The following ZYG11A variants were observed in gnomAD, a reference collection of about 807,000 sequenced individuals.
The protein encoded by ZYG11A is protein zyg-11 homolog A.
Under a neutral mutation model 77.2 loss-of-function variants are expected in ZYG11A, and 62 were observed. That is an observed-to-expected ratio of 0.80 (90% CI 0.65 to 0.99). ZYG11A has a LOEUF of 0.99. Ranked by LOEUF, ZYG11A falls within the 50% of genes least tolerant of loss-of-function variation. The pLI, the probability that ZYG11A is intolerant of heterozygous loss-of-function variation, is 0.00. For synonymous variants in ZYG11A, 315 were observed against 324.6 expected (o/e 0.97, Z 0.32); for missense variants, 828 against 896.8 (o/e 0.92, Z 0.98).
intron 8 of ZYG11A, among the ~76,000 whole-genome samples, chr1:52,869,738 C>T (rs1236751363): frequency 2.0e-5 from 3 of 151,966 alleles, no homozygotes; most frequent in East Asian, 3.9e-4. Context: ...TCATCATGGC[C>T]CGTTCTCAAT....
intron 11 of ZYG11A, among the ~76,000 whole-genome samples, chr1:52,885,108 C>T (rs1189315702): frequency 1.3e-5 from 2 of 152,048 alleles, no homozygotes. Context: ...ACGGGTTTCA[C>T]CGTGTTGGCC....
intron 13 of ZYG11A, among the ~76,000 whole-genome samples, chr1:52,889,862 C>T (rs1213789398): frequency 2.0e-5 from 3 of 151,966 alleles, no homozygotes; most frequent in Non-Finnish European, 4.4e-5. Context: ...CAGGCGCCCG[C>T]CACCATGCCC....
intron 3 of ZYG11A, 65 bp downstream of exon 3, chr1:52,857,814 A>G (rs1279352127): frequency 2.1e-6 from 3 of 1,427,986 alleles, no homozygotes; most frequent in Non-Finnish European, 2.8e-6. Flanking sequence ...CGTGCTATAG[A>G]CCAGACTTTT....
intron 4 of ZYG11A, among the ~76,000 whole-genome samples, chr1:52,861,433 A>G (rs1645924433): frequency 6.6e-6 from 1 of 152,198 alleles, no homozygotes. Context: ...GCAATTCCTT[A>G]AAAATGTGGA....
intron 10 of ZYG11A, among the ~76,000 whole-genome samples, chr1:52,879,410 T>C (rs1174639186): frequency 6.6e-6 from 1 of 152,206 alleles, no homozygotes; most frequent in African/African-American, 2.4e-5. Flanking sequence ...GGAGGGACTG[T>C]GCCTTATCTT....
At position 52,858,311 on chromosome 1, in the gene ZYG11A, A is replaced by G. The variant is rs555701791; in HGVS notation, c.1008+562A>G. Among the ~76,000 whole-genome samples the G allele has an allele frequency of 2.0e-5, 3 of 149,972 alleles. No homozygotes were observed. The East Asian group carries it at 6.4e-4, about 32-fold the overall frequency. On this transcript the variant is annotated intron_variant, in intron 3 of 13. Transcript: ENST00000371528. ...CTTGGGAGGCTGAGGCAGGAGAATC[A>G]CTTGAACCTGGGAGGTGGAGGTTGC...
At chr1:52,872,552 TTTA>T (rs1453941666) in intron 8 of ZYG11A, among the ~76,000 whole-genome samples, 1 of 151,112 alleles carries the variant, frequency 6.6e-6, no homozygotes, top group African/African-American at 2.4e-5. Context: ...AATTTATTAA[TTTA>T]TTATTTATTA....
At chr1:52,885,062 C>T (rs1293360436) in intron 11 of ZYG11A, among the ~76,000 whole-genome samples, 1 of 152,102 alleles carries the variant, frequency 6.6e-6, no homozygotes, top group East Asian at 1.9e-4. Context: ...GCACACACCA[C>T]CATACCCGGC....
At chr1:52,890,255 T>C (rs941005653) in intron 13 of ZYG11A, among the ~76,000 whole-genome samples, 1 of 133,368 alleles carries the variant, frequency 7.5e-6, no homozygotes, top group Non-Finnish European at 1.6e-5. Context: ...TTTAGTTTTT[T>C]TTTTTTTTTT....
intron 6 of ZYG11A, 36 bp downstream of exon 6, chr1:52,866,603 G>T (rs1228662777): frequency 1.1e-5 from 15 of 1,337,216 alleles, no homozygotes; most frequent in Admixed American, 2.0e-5. Context: ...CTGGGGTGTT[G>T]GCCTTTGGTT....
intron 8 of ZYG11A, among the ~76,000 whole-genome samples, chr1:52,875,697 C>G (rs911868659): frequency 7.4e-6 from 1 of 134,746 alleles, no homozygotes; most frequent in Non-Finnish European, 1.6e-5. Context: ...TGAGGTGATT[C>G]AATTTTGGTG....
chr1:52,873,244 T>C (rs1465606293), intron 8 of ZYG11A, among the ~76,000 whole-genome samples: 2 of 152,266 alleles, frequency 1.3e-5, no homozygotes, highest in Non-Finnish European at 1.5e-5. Context: ...CCCAGGGAGA[T>C]TGAAGCTGCA....
intron 11 of ZYG11A, among the ~76,000 whole-genome samples, chr1:52,882,833 A>AT (rs1461167615): frequency 6.6e-6 from 1 of 151,386 alleles, no homozygotes; most frequent in Admixed American, 6.6e-5. Flanking sequence ...GTTTATTTTC[A>AT]TTTTTTTGTT....
At chr1:52,849,615 G>T (rs966996659) in intron 1 of ZYG11A, among the ~76,000 whole-genome samples, 1 of 151,236 alleles carries the variant, frequency 6.6e-6, no homozygotes, top group Non-Finnish European at 1.5e-5. Flanking sequence ...TGATCTGCCC[G>T]CCTCGGCCTC....
Position 52,891,756 on chromosome 1 carries a change from C to T in ZYG11A, c.2105-1026C>T, listed in dbSNP as rs369429361. ...ATTGAAATGCCTCAATTACTAAGAC[C>T]GCCAGTTTCTTTCTGCCGCAGGCTA... On this transcript the variant is annotated intron_variant, in intron 13 of 13. Transcript: ENST00000371528. Among the ~76,000 whole-genome samples the T allele has an allele frequency of 1.0e-3, 156 of 151,948 alleles. 2 individuals are homozygous for T. The South Asian group carries it at 0.03, about 29-fold the overall frequency.
chr1:52,892,717 T>C (rs1646566866), intron 13 of ZYG11A, 65 bp from the exon 14 acceptor site: 4 of 1,344,258 alleles, frequency 3.0e-6, no homozygotes, highest in South Asian at 1.3e-5. Flanking sequence ...AAGGTGAATG[T>C]GGTGACATGG....
At chr1:52,851,385 C>A (rs1447297882) in intron 1 of ZYG11A, among the ~76,000 whole-genome samples, 1 of 151,676 alleles carries the variant, frequency 6.6e-6, no homozygotes, top group East Asian at 2.0e-4. Context: ...GTAACCATTA[C>A]CACAGTCAAT....
intron 12 of ZYG11A, 95 bp from the exon 13 acceptor site, chr1:52,886,861 C>T: frequency 2.4e-6 from 1 of 408,400 alleles, no homozygotes; most frequent in Non-Finnish European, 4.2e-6. Flanking sequence ...AAATTATATA[C>T]ATTATTATAT....
chr1:52,864,941 G>A (rs911366798), intron 5 of ZYG11A, among the ~76,000 whole-genome samples: 11 of 151,716 alleles, frequency 7.3e-5, no homozygotes, highest in African/African-American at 2.4e-4. Flanking sequence ...GTGAGCCCCC[G>A]CGCCTGGCCT....
Sources: allele counts gnomAD v4.1 joint callset (sites outside exome capture counted in the v4.1 genomes callset), GRCh38; gene constraint gnomAD v4.1.1; transcripts MANE v1.5; gene names NCBI Gene and HGNC (gene_info 2026-07-23, HGNC 2026-07-21).